Variants in PPP2R5C observed in about 807,000 individuals in gnomAD.
The protein encoded by PPP2R5C is serine/threonine-protein phosphatase 2A 56 kDa regulatory subunit gamma isoform.
Under a neutral mutation model 68.9 loss-of-function variants are expected in PPP2R5C, and 7 were observed. That is an observed-to-expected ratio of 0.10 (90% CI 0.06 to 0.19). The LOEUF (loss-of-function observed/expected upper bound fraction) is 0.19. Ranked by LOEUF, PPP2R5C falls within the 10% of genes least tolerant of loss-of-function variation. PPP2R5C has a pLI of 1.00. For synonymous variants in PPP2R5C, 210 were observed against 222.2 expected (o/e 0.95, Z 0.49); for missense variants, 348 against 641.3 (o/e 0.54, Z 4.94).
At chr14:101,919,994 C>CAAAAAAAAAAAAAAAAAAAAA (rs2046928361) in intron 13 of PPP2R5C, among the ~76,000 whole-genome samples, 1 of 111,286 alleles carries the variant, frequency 9.0e-6, no homozygotes, top group African/African-American at 4.9e-5. Flanking sequence ...AAAAAAAAAC[C>CAAAAAAAAAAAAAAAAAAAAA]AATTCTTACA....
At chr14:101,832,665 G>A (rs2040818097) in intron 1 of PPP2R5C, among the ~76,000 whole-genome samples, 1 of 152,050 alleles carries the variant, frequency 6.6e-6, no homozygotes, top group Non-Finnish European at 1.5e-5. Flanking sequence ...TGTTTTTAAG[G>A]CACAGTCACA....
At chr14:101,858,075 C>A (rs918457120) in intron 2 of PPP2R5C, among the ~76,000 whole-genome samples, 26 of 152,174 alleles carry the variant, frequency 1.7e-4, no homozygotes, top group African/African-American at 5.1e-4. Flanking sequence ...GGCCTAAGGA[C>A]TACAAAGGCC....
intron 1 of PPP2R5C, chr14:101,818,896 T>C: frequency 1.0e-6 from 1 of 964,722 alleles, no homozygotes; most frequent in Non-Finnish European, 1.6e-6. Flanking sequence ...ATAATACACA[T>C]GGATTTTTGT....
At position 101,777,918 on chromosome 14, in the gene PPP2R5C, G is replaced by A. The variant is rs188963710; in HGVS notation, c.94-8100G>A. On this transcript the variant is annotated intron_variant, in intron 2 of 14. Coordinates refer to the PPP2R5C transcript ENST00000328724. ...TTCCTGAGTAGCTGGGACTACAGGT[G>A]CATGCCACCATACCTGGCTATTTTT... is the stretch of plus-strand genomic sequence containing the variant. Among the ~76,000 whole-genome samples the A allele has an allele frequency of 1.8e-3, 270 of 151,246 alleles. 1 individual carries two copies. The highest frequency in any genetic ancestry group is 5.7e-3 in the African/African-American group (236 of 41,164).
intron 2 of PPP2R5C, among the ~76,000 whole-genome samples, chr14:101,785,503 G>A (rs1390112238): frequency 6.6e-6 from 1 of 152,092 alleles, no homozygotes; most frequent in African/African-American, 2.4e-5. Context: ...CAGCCATGTA[G>A]CATCTTCACA....
At position 101,891,766 on chromosome 14, in the gene PPP2R5C, A is replaced by C. The variant is rs547904127; in HGVS notation, c.690-1234A>C. On this transcript the variant is annotated intron_variant, in intron 6 of 13. Transcript: ENST00000334743. The surrounding 1 kb of genome is among the most constrained non-coding windows in gnomAD (Gnocchi z 4.9). ...TCCCGCATTGTCCGCTGTGCCGCGC[A>C]GAGTCAGTAATGGAAGACCAAGTTA... Among the ~76,000 whole-genome samples the C allele has an allele frequency of 6.6e-6, 1 of 152,350 alleles. No individual in the cohort carries two copies. Among genetic ancestry groups the C allele is most frequent in the South Asian group, 2.1e-4 (1 of 4,832 alleles).
In PPP2R5C at chr14:101,819,086, G is replaced by A. The variant is rs1306147484; in HGVS notation, c.94+9050G>A. 2 of 1,544,612 alleles carry A rather than the reference G, an allele frequency of 1.3e-6. No individual in the cohort carries two copies. The highest frequency in any genetic ancestry group is 1.4e-5 in the African/African-American group (1 of 72,994). On this transcript the variant is annotated intron_variant, in intron 1 of 13. Transcript: ENST00000334743. ...ATTTTTGGTGGGCTTCAAGGAAGAG[G>A]TGGGTGGTGAGGGTGTCTGTATATG...
chr14:101,901,670 G>T lies in PPP2R5C; in HGVS notation c.853-49G>T, dbSNP rs767654389. 3.7e-5 allele frequency: 58 copies of T among 1,585,832 alleles called. No homozygotes were observed. The Admixed American group carries it at 3.7e-4, about 10-fold the overall frequency. ...AACACAGACTTCTTACCATGCAGGT[G>T]TTGGGGCCTCGTGGGCATCAGTCAC... On this transcript the variant is annotated intron_variant, in intron 8 of 13. Coordinates refer to ENST00000334743, the Ensembl canonical transcript of PPP2R5C.
rs1344737959 is a variant in PPP2R5C at position 101,774,434 on chromosome 14, G to C, written c.93+11464G>C. On this transcript the variant is annotated intron_variant, in intron 2 of 14. Coordinates refer to the PPP2R5C transcript ENST00000328724. ...TGTGTGGGGATAAGGTGGCTATGGA[G>C]AGATCAGTATTCAGACCTAACATCA... is the stretch of plus-strand genomic sequence containing the variant. 2.0e-5 allele frequency among the ~76,000 whole-genome samples: 3 copies of C among 152,304 alleles called. No individual in the cohort carries two copies. The South Asian group carries it at 6.2e-4, about 32-fold the overall frequency.
chr14:101,845,482 C>T (rs990509879), intron 1 of PPP2R5C, among the ~76,000 whole-genome samples: 2 of 151,500 alleles, frequency 1.3e-5, no homozygotes, highest in Non-Finnish European at 2.9e-5. Context: ...CCCTTCCCCA[C>T]CCATTCCCTG....
chr14:101,902,510 T>A (rs1340341318), intron 9 of PPP2R5C, among the ~76,000 whole-genome samples: 1 of 152,032 alleles, frequency 6.6e-6, no homozygotes, highest in Non-Finnish European at 1.5e-5. Flanking sequence ...CCTGTCCTTT[T>A]GCATCATTGA....
rs752035642 is a variant in PPP2R5C, at chr14:101,797,366, G to A, written c.259+11183G>A. 7 of 447,400 alleles carry A rather than the reference G, an allele frequency of 1.6e-5. No homozygotes were observed. The highest frequency in any genetic ancestry group is 3.3e-4 in the Middle Eastern group (1 of 2,996). The allele number at this position is 447,400 out of a possible 1,614,324, so 27.7% of individuals were successfully genotyped here. A position where few individuals can be genotyped will look rare whatever the true frequency, so the allele number is the denominator to read the frequency against. On this transcript the variant is annotated intron_variant, in intron 3 of 14. Transcript: ENST00000328724. This position sits in a 1 kb window ranked among gnomAD's most constrained non-coding sequence, Gnocchi z 4.2. ...CGCCACACACATTCAGTCAGTACAC[G>A]AGTTAACAGTTGCGTGCTTGTCTGC...
intron 10 of PPP2R5C, 49 bp from the exon 13 acceptor site, chr14:101,909,540 C>T: frequency 7.5e-7 from 1 of 1,325,698 alleles, no homozygotes; most frequent in Non-Finnish European, 1.1e-6. Context: ...GAGGCGAGGG[C>T]TCAGCAGGAA....
chr14:101,856,589 T>C, intron 1 of PPP2R5C, 97 bp from the exon 4 acceptor site: 1 of 1,158,682 alleles, frequency 8.6e-7, no homozygotes, highest in South Asian at 1.4e-5. Flanking sequence ...CTTGAATCTC[T>C]ATTCAAAATA....
At chr14:101,798,791 T>A (rs2140128437) in intron 3 of PPP2R5C, among the ~76,000 whole-genome samples, 2 of 152,214 alleles carry the variant, frequency 1.3e-5, no homozygotes, top group Middle Eastern at 6.8e-3. Flanking sequence ...AGCTGCAGTC[T>A]CAGGAAAGGT....
intron 2 of PPP2R5C, among the ~76,000 whole-genome samples, chr14:101,763,280 C>T (rs942046335): frequency 5.3e-5 from 8 of 151,778 alleles, no homozygotes; most frequent in Non-Finnish European, 1.0e-4. Context: ...AGTGCAGTGG[C>T]GCAATCTCTG....
Position 101,882,566 on chromosome 14 carries a change from A to G in PPP2R5C, c.405+295A>G. The G allele has an allele frequency of 3.9e-6, 1 of 258,400 alleles. No homozygotes were observed. Among genetic ancestry groups the G allele is most frequent in the Non-Finnish European group, 7.3e-6 (1 of 137,110 alleles). The allele number at this position is 258,400 out of a possible 1,614,324, so 16.0% of individuals were successfully genotyped here. A position where few individuals can be genotyped will look rare whatever the true frequency, so the allele number is the denominator to read the frequency against. ...CAGGCCCAGAGGTCCTAAGCCAACA[A>G]TCTCCCAGTTTTTGCTCCTCATATT... is the stretch of plus-strand genomic sequence containing the variant. On this transcript the variant is annotated intron_variant, in intron 3 of 13. Coordinates refer to ENST00000334743, the Ensembl canonical transcript of PPP2R5C. The surrounding 1 kb of genome is among the most constrained non-coding windows in gnomAD (Gnocchi z 4.9).
intron 11 of PPP2R5C, among the ~76,000 whole-genome samples, chr14:101,911,273 C>CA (rs377271470): frequency 0.044 from 6,562 of 149,668 alleles, 171 homozygotes; most frequent in Non-Finnish European, 0.052. Context: ...GACTCCGTCT[C>CA]AAAAAAAAAA....
intron 1 of PPP2R5C, among the ~76,000 whole-genome samples, chr14:101,838,593 C>A (rs902966814): frequency 7.2e-5 from 11 of 151,840 alleles, no homozygotes; most frequent in African/African-American, 2.2e-4. Flanking sequence ...CACTTCTTGT[C>A]CCCCTCGCCC....
Sources: gnomAD v4.1 joint callset for allele counts (sites outside exome capture counted in the v4.1 genomes callset) on GRCh38, gnomAD v4.1.1 for gene constraint, Gnocchi (gnomAD v3.1) non-coding constraint, MANE v1.5 for transcripts, NCBI Gene and HGNC (gene_info 2026-07-23, HGNC 2026-07-21) for gene names.